Variants in ETNK1 observed in about 807,000 individuals in gnomAD.
ETNK1 encodes ethanolamine kinase 1.
A neutral mutation model predicts 45.1 loss-of-function variants in ETNK1; 8 were observed. That is an observed-to-expected ratio of 0.18 (90% CI 0.10 to 0.32). ETNK1 has a LOEUF of 0.32. ETNK1 is among the 10% of genes least tolerant of loss of function. The pLI is 1.00. For missense variants in ETNK1, 302 were observed against 430.6 expected (o/e 0.70, Z 2.64); for synonymous variants, 152 against 151.9 (o/e 1.00, Z -0.01).
chr12:22,682,687 G>A (rs1468626949), intron 6 of ETNK1, among the ~76,000 whole-genome samples: 1 of 152,116 alleles, frequency 6.6e-6, no homozygotes, highest in Non-Finnish European at 1.5e-5. Context: ...TTGTGTGATG[G>A]TGAAGAATAA....
chr12:22,661,357 G>A (rs1271180778), intron 4 of ETNK1, 152 bp downstream of exon 4: 5 of 439,828 alleles, frequency 1.1e-5, no homozygotes, highest in Non-Finnish European at 1.9e-5. Context: ...TCAAGTTATG[G>A]TAACTGTGAA....
At chr12:22,670,549 G>GTGTACA (rs1188885170) in intron 4 of ETNK1, among the ~76,000 whole-genome samples, 1 of 152,102 alleles carries the variant, frequency 6.6e-6, no homozygotes, top group Non-Finnish European at 1.5e-5. Context: ...GCCTATATAT[G>GTGTACA]TAGCAGTAAT....
chr12:22,658,833 A>G (rs11046523), intron 2 of ETNK1, among the ~76,000 whole-genome samples, 181 bp from the exon 3 acceptor site: 36,467 of 152,104 alleles, frequency 0.24, 5,090 homozygotes, highest in Non-Finnish European at 0.33. Context: ...AAGGGTGGGG[A>G]TACTCTTGCT....
At chr12:22,671,201 T>G in intron 4 of ETNK1, 71 bp from the exon 5 acceptor site, 1 of 1,068,612 alleles carries the variant, frequency 9.4e-7, no homozygotes. Context: ...GCTATTTAAT[T>G]ACAAATAGCA....
intron 2 of ETNK1, among the ~76,000 whole-genome samples, 200 bp from the exon 3 acceptor site, chr12:22,658,814 T>C (rs562703121): frequency 1.3e-4 from 20 of 152,274 alleles, no homozygotes; most frequent in African/African-American, 4.3e-4. Flanking sequence ...AGGAACCTGA[T>C]CAGATATCAA....
At chr12:22,663,030 A>C (rs1954022248) in intron 4 of ETNK1, among the ~76,000 whole-genome samples, 1 of 152,252 alleles carries the variant, frequency 6.6e-6, no homozygotes, top group South Asian at 2.1e-4. Flanking sequence ...ATACTGAGCT[A>C]ACATTTTTGT....
At chr12:22,673,713 C>G in intron 6 of ETNK1, 53 bp downstream of exon 6, 1 of 1,476,422 alleles carries the variant, frequency 6.8e-7, no homozygotes. Flanking sequence ...ATTGAAAATG[C>G]TTCTAAATTT....
At chr12:22,670,704 G>A (rs1440266206) in intron 4 of ETNK1, among the ~76,000 whole-genome samples, 2 of 152,160 alleles carry the variant, frequency 1.3e-5, no homozygotes, top group Non-Finnish European at 2.9e-5. Context: ...TGGTTAGGTA[G>A]TATTACAGGA....
chr12:22,668,878 T>C (rs1426341936), intron 4 of ETNK1, among the ~76,000 whole-genome samples: 17 of 152,256 alleles, frequency 1.1e-4, no homozygotes, highest in Admixed American at 1.1e-3. Flanking sequence ...TAAAATGTGC[T>C]ATGCTTTAAT....
intron 2 of ETNK1, among the ~76,000 whole-genome samples, chr12:22,657,122 G>T (rs973480660): frequency 1.3e-5 from 2 of 152,002 alleles, no homozygotes; most frequent in East Asian, 1.9e-4. Context: ...GTTCATTTGG[G>T]CTTAGCTTTC....
chr12:22,630,106 A>G (rs548117248), intron 1 of ETNK1, among the ~76,000 whole-genome samples: 2 of 152,368 alleles, frequency 1.3e-5, no homozygotes, highest in African/African-American at 4.8e-5. Flanking sequence ...TAATGTGGAA[A>G]GAGGATGGTT....
rs1271388505 is a variant in ETNK1, at chr12:22,661,225, A to G, written c.700+20A>G. ...AACAAGGTAGGTATTTGACCTTAGCAGTAAGTAAAATTGATTTCTTTTATG... is the reference window on the plus strand; with the variant it reads ...AACAAGGTAGGTATTTGACCTTAGCGGTAAGTAAAATTGATTTCTTTTATG... On this transcript the variant is annotated intron_variant, in intron 4 of 7. Transcript: ENST00000266517. 1 of 1,571,906 alleles carries G rather than the reference A, an allele frequency of 6.4e-7. No individual in the cohort carries two copies. The highest frequency in any genetic ancestry group is 8.6e-7 in the Non-Finnish European group (1 of 1,166,328).
intron 6 of ETNK1, among the ~76,000 whole-genome samples, chr12:22,679,695 G>GTT (rs1302699694): frequency 2.2e-5 from 3 of 137,180 alleles, no homozygotes; most frequent in African/African-American, 5.3e-5. Context: ...TTTGTTCTTG[G>GTT]TTTTTTGTTT....
chr12:22,684,424 A>ATC, intron 6 of ETNK1, 59 bp from the exon 7 acceptor site: 1 of 1,157,074 alleles, frequency 8.6e-7, no homozygotes. Context: ...AGCAATTCAT[A>ATC]TGTGTTTTAC....
intron 4 of ETNK1, among the ~76,000 whole-genome samples, chr12:22,665,912 ATCTT>A (rs1954049017): frequency 6.6e-6 from 1 of 152,134 alleles, no homozygotes; most frequent in Admixed American, 6.6e-5. Context: ...TTCAGTTTCT[ATCTT>A]AACTATAACT....
chr12:22,644,451 A>G (rs1953781070), intron 2 of ETNK1: 2 of 966,856 alleles, frequency 2.1e-6, no homozygotes, highest in Non-Finnish European at 2.7e-6. Flanking sequence ...ATTTAATTTA[A>G]TATATTATGT....
chr12:22,627,774 A>G (rs1000611887), intron 1 of ETNK1, among the ~76,000 whole-genome samples: 1 of 152,072 alleles, frequency 6.6e-6, no homozygotes, highest in Non-Finnish European at 1.5e-5. Context: ...TTTTTCTAAC[A>G]TTTTTGTATG....
In ETNK1 at chr12:22,685,462, A is replaced by T. The variant is rs528011316; in HGVS notation, c.*508A>T. On this transcript the variant is annotated 3_prime_UTR_variant, in exon 8 of 8. Transcript: ENST00000266517. The stretch of plus-strand genomic sequence containing the variant: ...AAATGCCAGTCATTGACTGATGTAG[A>T]TAATTTAGGATTTTCATATAAAAAT... The T allele has an allele frequency of 1.3e-5, 2 of 152,088 alleles. No homozygotes were observed. The highest frequency in any genetic ancestry group is 3.9e-4 in the East Asian group (2 of 5,190). The allele number at this position is 152,088 out of a possible 1,614,324, so 9.4% of individuals were successfully genotyped here.
At chr12:22,684,588 G>A in intron 7 of ETNK1, 32 bp downstream of exon 7, 2 of 1,351,660 alleles carry the variant, frequency 1.5e-6, no homozygotes, top group Non-Finnish European at 1.0e-6. Context: ...GATTACATTG[G>A]TCTCTGCTTT....
Sources: allele counts gnomAD v4.1 joint callset (sites outside exome capture counted in the v4.1 genomes callset), GRCh38; gene constraint gnomAD v4.1.1; transcripts MANE v1.5; gene names NCBI Gene and HGNC (gene_info 2026-07-23, HGNC 2026-07-21).